Variants in ARHGAP39 observed in about 807,000 individuals in gnomAD.
ARHGAP39 encodes the protein Rho GTPase activating protein 39.
In ARHGAP39, 44 loss-of-function variants were observed where a neutral mutation model predicts 106.9. The observed-to-expected ratio is 0.41, with a 90% CI of 0.32 to 0.53. The LOEUF is 0.53. ARHGAP39 is among the 20% of genes least tolerant of loss of function. ARHGAP39 has a pLI of 0.21. For missense variants in ARHGAP39, 1,496 were observed against 1,577.3 expected, an observed-to-expected ratio of 0.95 and a Z score of 0.87; for synonymous variants, 768 against 693.2, an observed-to-expected ratio of 1.11 and a Z score of -1.69.
At chr8:144,695,943 A>C in the ARHGAP39 span, among the ~76,000 whole-genome samples, 2 of 152,198 alleles carry the variant, frequency 1.3e-5, no homozygotes, top group African/African-American at 4.8e-5. Flanking sequence ...TGCCAGTGAA[A>C]GAGCCGAGAT....
intron 1 of ARHGAP39, among the ~76,000 whole-genome samples, chr8:144,658,509 A>C (rs1821750844): frequency 6.6e-6 from 1 of 152,170 alleles, no homozygotes; most frequent in African/African-American, 2.4e-5. Flanking sequence ...TCCTGACCTC[A>C]GGTGATCTGC....
rs773081270 is a variant in ARHGAP39, at chr8:144,604,161, G to A, written c.80+1374C>T. Among the ~76,000 whole-genome samples, 2 of 152,196 alleles carry A rather than the reference G, an allele frequency of 1.3e-5. No individual in the cohort carries two copies. Among genetic ancestry groups the A allele is most frequent in the Non-Finnish European group, 2.9e-5 (2 of 68,050 alleles). On this transcript the variant is annotated intron_variant, in intron 2 of 11. Coordinates refer to ENST00000377307, the MANE Select transcript of ARHGAP39 (RefSeq NM_025251.3). The surrounding 1 kb of genome is among the most constrained non-coding windows in gnomAD (Gnocchi z 4.1). ...CAGGGAGGCACAAAGCATCAGACAC[G>A]GAGCCGGGCCCAGAGCGCCCAGAGG...
chr8:144,669,838 G>T (rs751986719), intron 1 of ARHGAP39, among the ~76,000 whole-genome samples: 2 of 152,228 alleles, frequency 1.3e-5, no homozygotes, highest in African/African-American at 4.8e-5. Flanking sequence ...CATCCACTGA[G>T]ATGGCTTTAA....
intron 1 of ARHGAP39, among the ~76,000 whole-genome samples, chr8:144,680,036 C>T (rs1173642961): frequency 6.6e-6 from 1 of 152,166 alleles, no homozygotes; most frequent in Non-Finnish European, 1.5e-5. Context: ...AAGACCTTCT[C>T]ATTATGACCC....
At chr8:144,582,366 G>A (rs1384738887) in intron 2 of ARHGAP39, among the ~76,000 whole-genome samples, 2 of 152,222 alleles carry the variant, frequency 1.3e-5, no homozygotes, top group Non-Finnish European at 2.9e-5. Context: ...CCTGCTCGTA[G>A]GACACCAAGG....
rs145707202 is a variant in ARHGAP39 at position 144,533,281 on chromosome 8, G to A, written c.2733C>T (p.Asn911=). The change falls in exon 9 of 12, where the codon AAC becomes AAT. Residue 911 remains asparagine, a synonymous_variant. Coordinates refer to ENST00000377307, the MANE Select transcript of ARHGAP39 (RefSeq NM_025251.3). The part of the protein sequence containing the change: ...PNVEEIRHAK[N]AVFSPSMFGS... ...CGAACATGGACGGGCTGAACACGGC[G>A]TTCTTGGCATGCCGGATCTCCTCCA... 196 of 1,613,156 alleles carry A rather than the reference G, an allele frequency of 1.2e-4. No individual in the cohort carries two copies. Among genetic ancestry groups the A allele is most frequent in the South Asian group, 7.2e-4 (66 of 91,080 alleles).
chr8:144,546,140 G>A (rs1027709508), intron 5 of ARHGAP39, among the ~76,000 whole-genome samples: 5 of 152,188 alleles, frequency 3.3e-5, no homozygotes, highest in East Asian at 1.9e-4. Flanking sequence ...TCATTCTGCC[G>A]CCCCCTGAGG....
At chr8:144,600,946 G>C (rs117460953) in intron 2 of ARHGAP39, among the ~76,000 whole-genome samples, 3,775 of 149,226 alleles carry the variant, frequency 0.025, 80 homozygotes, top group Admixed American at 0.063. Flanking sequence ...GGAGGCATGT[G>C]TGTGCTCGTA....
Position 144,533,341 on chromosome 8 carries a change from C to A in ARHGAP39, c.2689-16G>T, listed in dbSNP as rs1294283347. On this transcript the variant is annotated splice_polypyrimidine_tract_variant and intron_variant, in intron 8 of 11. Transcript: ENST00000377307. ...TCTTCAGCCCCTGTGAAGACAGAGG[C>A]TCCGTCCTGGTCTGGCCTGGCCATC... The A allele has an allele frequency of 2.5e-6, 4 of 1,610,434 alleles. No individual in the cohort carries two copies. In the South Asian group the frequency reaches 4.4e-5, roughly 18 times the overall value.
At chr8:144,660,984 C>CA (rs372862802) in intron 1 of ARHGAP39, among the ~76,000 whole-genome samples, 75 of 145,906 alleles carry the variant, frequency 5.1e-4, no homozygotes, top group Non-Finnish European at 8.6e-4. Flanking sequence ...GACTCCATCT[C>CA]AAAAAAAAAA....
At chr8:144,654,635 C>T (rs954910219) in intron 1 of ARHGAP39, among the ~76,000 whole-genome samples, 3 of 152,218 alleles carry the variant, frequency 2.0e-5, no homozygotes, top group African/African-American at 7.2e-5. Context: ...TGGCAGGAGC[C>T]GGGGACAAGC....
At chr8:144,609,153 T>C (rs1586611725) in intron 1 of ARHGAP39, among the ~76,000 whole-genome samples, 1 of 152,264 alleles carries the variant, frequency 6.6e-6, no homozygotes, top group African/African-American at 2.4e-5. Context: ...TCCAGTCTTT[T>C]ACCATTAAGT....
chr8:144,696,951 T>C, the ARHGAP39 span, among the ~76,000 whole-genome samples: 1 of 152,248 alleles, frequency 6.6e-6, no homozygotes, highest in Non-Finnish European at 1.5e-5. Flanking sequence ...GCTCTGTTTT[T>C]AATTAAGGCT....
chr8:144,594,688 C>T (rs1201853012), intron 2 of ARHGAP39, among the ~76,000 whole-genome samples: 1 of 147,618 alleles, frequency 6.8e-6, no homozygotes, highest in Non-Finnish European at 1.5e-5. Context: ...AAGCGAAACG[C>T]CACCTCAAAA....
At chr8:144,560,158 G>T (rs1157966317) in intron 3 of ARHGAP39, among the ~76,000 whole-genome samples, 4 of 152,230 alleles carry the variant, frequency 2.6e-5, no homozygotes, top group Non-Finnish European at 5.9e-5. Flanking sequence ...AACTTGCCGG[G>T]CACAGTGACT....
intron 3 of ARHGAP39, among the ~76,000 whole-genome samples, chr8:144,558,349 T>C (rs953696939): frequency 2.0e-5 from 3 of 152,142 alleles, no homozygotes; most frequent in Non-Finnish European, 4.4e-5. Flanking sequence ...TGCAGTGGTG[T>C]GATCTTGATT....
At chr8:144,620,891 G>A (rs760825392) in intron 1 of ARHGAP39, among the ~76,000 whole-genome samples, 16 of 152,270 alleles carry the variant, frequency 1.1e-4, no homozygotes, top group Non-Finnish European at 1.9e-4. Context: ...TGGCCACTGT[G>A]CCCTCGAGGT....
intron 1 of ARHGAP39, among the ~76,000 whole-genome samples, chr8:144,635,492 C>T (rs1821151146): frequency 6.6e-6 from 1 of 152,216 alleles, no homozygotes; most frequent in Non-Finnish European, 1.5e-5. Context: ...TTTGTAATAT[C>T]CTCCATGATA....
rs538884077 is a variant in ARHGAP39, at chr8:144,574,034, A to G, written c.512+6812T>C. Among the ~76,000 whole-genome samples the G allele has an allele frequency of 5.3e-5, 8 of 151,630 alleles. No homozygotes were observed. In the East Asian group the frequency reaches 1.6e-3, roughly 30 times the overall value. On this transcript the variant is annotated intron_variant, in intron 3 of 11. Coordinates refer to ENST00000377307, the MANE Select transcript of ARHGAP39 (RefSeq NM_025251.3). The stretch of plus-strand genomic sequence containing the variant: ...CTAAAAATACAAAAATCAGCCAGGC[A>G]TGGTGGCGCCCCCCTGTAATCCCAG...
Sources: gnomAD v4.1 joint callset for allele counts (sites outside exome capture counted in the v4.1 genomes callset) on GRCh38, gnomAD v4.1.1 for gene constraint, Gnocchi (gnomAD v3.1) non-coding constraint, MANE v1.5 for transcripts, NCBI Gene and HGNC (gene_info 2026-07-23, HGNC 2026-07-21) for gene names.